Variants in NF1 observed in about 807,000 individuals in gnomAD.
NF1 encodes neurofibromin 1.
In NF1, 122 loss-of-function variants were observed where a neutral mutation model predicts 325.7. That is an observed-to-expected ratio of 0.37 (90% CI 0.32 to 0.44). NF1 has a LOEUF of 0.44. Ranked by LOEUF, NF1 falls within the 20% of genes least tolerant of loss-of-function variation. The pLI, the probability that NF1 is intolerant of heterozygous loss-of-function variation, is 1.00. For synonymous variants in NF1, 1,091 were observed against 1,186.0 expected, an observed-to-expected ratio of 0.92 and a Z score of 1.65; for missense variants, 2,140 against 3,415.4, an observed-to-expected ratio of 0.63 and a Z score of 9.31.
intron 8 of NF1, among the ~76,000 whole-genome samples, chr17:31,197,338 G>C (rs1177570569): frequency 7.2e-6 from 1 of 138,032 alleles, no homozygotes; most frequent in Non-Finnish European, 1.5e-5. Context: ...GAGCCACCGC[G>C]CCTGGCTTTT....
At chr17:31,235,578 G>A (rs763134831) in intron 27 of NF1, 33 bp from the exon 28 acceptor site, 3 of 1,612,728 alleles carry the variant, frequency 1.9e-6, no homozygotes, top group Admixed American at 3.3e-5. Flanking sequence ...AAATGGGATT[G>A]TTTGCACTAA....
At chr17:31,266,524 G>A (rs1390365910) in intron 36 of NF1, among the ~76,000 whole-genome samples, 1 of 152,012 alleles carries the variant, frequency 6.6e-6, no homozygotes, top group Non-Finnish European at 1.5e-5. Context: ...TTTCTAAATT[G>A]CCTAAGATCA....
At chr17:31,319,281 A>C (rs185092963) in intron 36 of NF1, among the ~76,000 whole-genome samples, 1 of 152,020 alleles carries the variant, frequency 6.6e-6, no homozygotes, top group Non-Finnish European at 1.5e-5. Context: ...TAAGTGGACT[A>C]TCATGGCTTT....
At chr17:31,198,627 G>A (rs554118354) in intron 8 of NF1, among the ~76,000 whole-genome samples, 1 of 150,912 alleles carries the variant, frequency 6.6e-6, no homozygotes, top group African/African-American at 2.5e-5. Flanking sequence ...TGTTGAGGGG[G>A]TGGGGGGGAT....
In NF1 at chr17:31,200,647, T is replaced by C. The variant is rs760436049; in HGVS notation, c.1062+52T>C. On this transcript the variant is annotated intron_variant, in intron 9 of 57. Coordinates refer to ENST00000358273, the MANE Select transcript of NF1 (RefSeq NM_001042492.3). Reference sequence around the variant, plus strand: ...CAAACTTTAAGAAAATTAAATGAATTTTCTAGCATAAGTATTATGTCAAAG... The same window carrying C: ...CAAACTTTAAGAAAATTAAATGAATCTTCTAGCATAAGTATTATGTCAAAG... The C allele has an allele frequency of 2.5e-6, 4 of 1,576,326 alleles. No homozygotes were observed. The South Asian group carries it at 4.4e-5, about 18-fold the overall frequency.
chr17:31,260,784 G>T (rs1378536781), intron 34 of NF1, among the ~76,000 whole-genome samples: 4 of 152,058 alleles, frequency 2.6e-5, no homozygotes. Context: ...GGGTTTTTAT[G>T]GCTTGCAGAT....
intron 33 of NF1, among the ~76,000 whole-genome samples, chr17:31,259,839 ACT>A (rs2067652814): frequency 6.6e-6 from 1 of 151,994 alleles, no homozygotes; most frequent in African/African-American, 2.4e-5. Flanking sequence ...GCCTTGTACA[ACT>A]CTCTCTTCCA....
Position 31,336,782 on chromosome 17 carries a change from C to A in NF1, c.6295C>A (p.His2099Asn), listed in dbSNP as rs1060500382. The A allele has an allele frequency of 6.2e-7, 1 of 1,614,086 alleles. No individual in the cohort carries two copies. Among genetic ancestry groups the A allele is most frequent in the East Asian group, 2.2e-5 (1 of 44,872 alleles). Residue 2099 changes from histidine to asparagine, a missense_variant, in exon 42 of 58, where the codon CAT becomes AAT. By Grantham distance (68) the His-to-Asn change is moderately conservative. This residue lies in a region of NF1 where 180 missense variants were observed against 435.1 expected (regional missense o/e 0.41). Coordinates refer to ENST00000358273, the MANE Select transcript of NF1 (RefSeq NM_001042492.3). The surrounding 1 kb of genome is among the most constrained non-coding windows in gnomAD (Gnocchi z 5.5). ...CAACAATTCCCTTGATGTGGCAGCT[C>A]ATCTTCCCTACCTCTTCCACGTTGT... ...SFNNSLDVAA[H>N]LPYLFHVVTF...
intron 1 of NF1, among the ~76,000 whole-genome samples, chr17:31,104,907 T>C (rs1362644856): frequency 2.0e-5 from 3 of 152,214 alleles, no homozygotes; most frequent in African/African-American, 4.8e-5. Context: ...AAATTGTTTA[T>C]TATTCATTTA....
At chr17:31,320,483 T>G in intron 36 of NF1, 1 of 1,505,188 alleles carries the variant, frequency 6.6e-7, no homozygotes, top group Non-Finnish European at 9.2e-7. Context: ...TAAGAAATGG[T>G]TGTTATATGT....
chr17:31,123,890 T>A (rs1397453428), intron 1 of NF1, among the ~76,000 whole-genome samples: 1 of 152,200 alleles, frequency 6.6e-6, no homozygotes, highest in East Asian at 1.9e-4. Context: ...TTTTTTCTCT[T>A]TTCTATTATT....
intron 2 of NF1, among the ~76,000 whole-genome samples, chr17:31,158,234 A>T (rs1323535805): frequency 6.6e-6 from 1 of 152,208 alleles, no homozygotes; most frequent in Non-Finnish European, 1.5e-5. Context: ...AGTTGCTTAC[A>T]CAATACCCTA....
At chr17:31,180,909 A>C (rs2066117823) in intron 5 of NF1, among the ~76,000 whole-genome samples, 1 of 152,216 alleles carries the variant, frequency 6.6e-6, no homozygotes, top group South Asian at 2.1e-4. Flanking sequence ...CTCAGGATAC[A>C]AAATCAATGT....
At chr17:31,326,468 T>C (rs562696317) in intron 37 of NF1, among the ~76,000 whole-genome samples, 2 of 152,074 alleles carry the variant, frequency 1.3e-5, no homozygotes, top group Non-Finnish European at 2.9e-5. Context: ...GCCAACACGG[T>C]GAAACCCCGT....
intron 57 of NF1, among the ~76,000 whole-genome samples, chr17:31,369,396 A>G (rs1239927453): frequency 6.6e-6 from 1 of 152,222 alleles, no homozygotes; most frequent in Non-Finnish European, 1.5e-5. Flanking sequence ...ATTGAAACAT[A>G]GTACTGCTGA....
intron 33 of NF1, 96 bp from the exon 34 acceptor site, chr17:31,260,273 T>C: frequency 1.6e-6 from 2 of 1,243,842 alleles, no homozygotes; most frequent in Non-Finnish European, 2.3e-6. Context: ...TTTGTAATCT[T>C]AGTTACTTCA....
At chr17:31,263,383 A>G (rs1257689277) in intron 35 of NF1, among the ~76,000 whole-genome samples, 1 of 152,000 alleles carries the variant, frequency 6.6e-6, no homozygotes, top group Admixed American at 6.6e-5. Flanking sequence ...CTGTGATTGC[A>G]CCAGTGCATT....
At chr17:31,310,385 G>A (rs1000659572) in intron 36 of NF1, among the ~76,000 whole-genome samples, 10 of 151,774 alleles carry the variant, frequency 6.6e-5, no homozygotes, top group African/African-American at 2.4e-4. Flanking sequence ...TATATAATTA[G>A]CAAGAAGGCA....
At chr17:31,258,580 T>G in intron 32 of NF1, 78 bp downstream of exon 32, 1 of 1,399,694 alleles carries the variant, frequency 7.1e-7, no homozygotes, top group Non-Finnish European at 1.0e-6. Context: ...GTACTTCCTC[T>G]TACATTTATA....
Sources: gnomAD v4.1 joint callset for allele counts (sites outside exome capture counted in the v4.1 genomes callset) on GRCh38, gnomAD v4.1.1 for gene constraint, gnomAD v4.1.1 regional missense constraint, Gnocchi (gnomAD v3.1) non-coding constraint, MANE v1.5 for transcripts, NCBI Gene and HGNC (gene_info 2026-07-23, HGNC 2026-07-21) for gene names.